Variants in PPFIA2 observed in about 807,000 individuals in gnomAD.
The protein encoded by PPFIA2 is liprin-alpha-2.
In PPFIA2, 46 loss-of-function variants were observed where a neutral mutation model predicts 175.5. That is an observed-to-expected ratio of 0.26 (90% confidence interval 0.21 to 0.34). The LOEUF (loss-of-function observed/expected upper bound fraction) is 0.34, where lower values mean the gene tolerates loss of function less well. Among genes scored for constraint, PPFIA2 ranks in the 10% least tolerant of loss-of-function variants. The pLI is 1.00. For synonymous variants in PPFIA2, 568 were observed against 511.4 expected, an observed-to-expected ratio of 1.11 and a Z score of -1.49; for missense variants, 1,179 against 1,506.1, an observed-to-expected ratio of 0.78 and a Z score of 3.60.
At chr12:81,434,132 A>G (rs971448384) in intron 7 of PPFIA2, among the ~76,000 whole-genome samples, 1 of 152,110 alleles carries the variant, frequency 6.6e-6, no homozygotes, top group Non-Finnish European at 1.5e-5. Context: ...TGACTCAGGC[A>G]GAGCAGTAGG....
At chr12:81,316,765 G>A (rs983834935) in intron 22 of PPFIA2, among the ~76,000 whole-genome samples, 3 of 151,538 alleles carry the variant, frequency 2.0e-5, no homozygotes, top group Non-Finnish European at 4.4e-5. Context: ...CCTTTCCAGA[G>A]TATAAAGAGA....
intron 22 of PPFIA2, chr12:81,312,034 A>T: frequency 2.4e-6 from 2 of 837,974 alleles, no homozygotes; most frequent in East Asian, 2.7e-5. Flanking sequence ...ATGCTTCATG[A>T]TTTTCATTTC....
At chr12:81,445,182 G>A (rs532946194) in intron 6 of PPFIA2, among the ~76,000 whole-genome samples, 1 of 113,344 alleles carries the variant, frequency 8.8e-6, no homozygotes, top group Non-Finnish European at 1.6e-5. Flanking sequence ...CTCTTATTTT[G>A]GAATCTATAA....
rs550155946 is a variant in PPFIA2 at position 81,325,862 on chromosome 12, T to C, written c.2557A>G (p.Met853Val). The change falls in exon 22 of 33, where the codon ATG becomes GTG. Residue 853 changes from methionine (M) to valine (V), a missense_variant. By Grantham distance (21) the Met-to-Val change is conservative (BLOSUM62 1). Around this residue, in one of 10 missense-constraint regions of PPFIA2, gnomAD observed 223 missense variants for 241.6 expected, o/e 0.92. Coordinates refer to ENST00000549396, the MANE Select transcript of PPFIA2 (RefSeq NM_003625.5). The part of the protein sequence containing the change: ...KARLGQLRGF[M>V]ETEAAAQESL... Reference sequence around the variant, plus strand: ...TCCTGAGCTGCAGCTTCAGTCTCCATAAAGCCTCCTGTGAAGAGAAGTAAC... The same window carrying C: ...TCCTGAGCTGCAGCTTCAGTCTCCACAAAGCCTCCTGTGAAGAGAAGTAAC... 2.5e-6 allele frequency: 4 copies of C among 1,610,778 alleles called. No homozygotes were observed. The South Asian group carries it at 3.3e-5, about 13-fold the overall frequency.
chr12:81,273,424 A>T (rs2039672182), intron 28 of PPFIA2, among the ~76,000 whole-genome samples: 1 of 151,880 alleles, frequency 6.6e-6, no homozygotes, highest in Non-Finnish European at 1.5e-5. Context: ...CAAGATCATA[A>T]CCTCTCAAGT....
rs1052298461 is a variant in PPFIA2, at chr12:81,362,576, T to A, written c.1637+117A>T. On this transcript the variant is annotated intron_variant, in intron 15 of 32. Coordinates refer to ENST00000549396, the MANE Select transcript of PPFIA2 (RefSeq NM_003625.5). ...AAATCAGTGAAGAGTCAAAACATGA[T>A]AATGACTAGTGAGCAATAGGAAGTA... 6 of 571,572 alleles carry A rather than the reference T, an allele frequency of 1.0e-5. No individual in the cohort carries two copies. In the Admixed American group the frequency reaches 1.7e-4, roughly 16 times the overall value. 35.4% of individuals were successfully genotyped at this position (571,572 alleles called of 1,614,324 possible).
chr12:81,482,856 T>C (rs1401320781), intron 4 of PPFIA2, among the ~76,000 whole-genome samples: 1 of 151,816 alleles, frequency 6.6e-6, no homozygotes, highest in Non-Finnish European at 1.5e-5. Flanking sequence ...AACCTGCAGG[T>C]TCTGCACATG....
intron 11 of PPFIA2, among the ~76,000 whole-genome samples, chr12:81,373,996 C>CAG (rs1262573478): frequency 6.6e-6 from 1 of 151,928 alleles, no homozygotes; most frequent in Non-Finnish European, 1.5e-5. Context: ...GTTTGATTGT[C>CAG]AGAGGTCAGA....
At chr12:81,424,304 G>A (rs980288876) in intron 7 of PPFIA2, among the ~76,000 whole-genome samples, 1 of 151,912 alleles carries the variant, frequency 6.6e-6, no homozygotes, top group African/African-American at 2.4e-5. Flanking sequence ...ATGTATTTAG[G>A]ACATTTTGTA....
At chr12:81,434,072 A>T (rs1181410929) in intron 7 of PPFIA2, among the ~76,000 whole-genome samples, 2 of 152,042 alleles carry the variant, frequency 1.3e-5, no homozygotes, top group Non-Finnish European at 2.9e-5. Flanking sequence ...GTTAGGAAAA[A>T]TGTTGCCTTC....
chr12:81,259,595 G>T lies in PPFIA2; in HGVS notation c.*99C>A. ...TTCCTTAGAATTCAGTTTTCACAAA[G>T]GTTTTCACTGCTCGTCTTCTTAGAT... On this transcript the variant is annotated 3_prime_UTR_variant, in exon 33 of 33. Transcript: ENST00000549396. 2.0e-6 allele frequency: 3 copies of T among 1,520,840 alleles called. No homozygotes were observed. The highest frequency in any genetic ancestry group is 2.6e-6 in the Non-Finnish European group (3 of 1,133,712). 94.2% of individuals were successfully genotyped at this position (1,520,840 alleles called of 1,614,324 possible).
chr12:81,518,555 C>T (rs910718342), intron 4 of PPFIA2, among the ~76,000 whole-genome samples: 6 of 152,178 alleles, frequency 3.9e-5, no homozygotes, highest in African/African-American at 1.4e-4. Flanking sequence ...CTGACACCTT[C>T]ACCTTTCTAA....
chr12:81,429,347 C>T (rs567345715), intron 7 of PPFIA2, among the ~76,000 whole-genome samples: 1 of 152,064 alleles, frequency 6.6e-6, no homozygotes, highest in Non-Finnish European at 1.5e-5. Context: ...AGAGATTTTG[C>T]AGTGGTCTCT....
intron 4 of PPFIA2, among the ~76,000 whole-genome samples, chr12:81,658,249 C>G (rs367967524): frequency 1.5e-3 from 115 of 76,552 alleles, no homozygotes; most frequent in African/African-American, 6.6e-3. Flanking sequence ...GCCTGGGCAA[C>G]AAGAGCAAAA....
chr12:81,291,138 CAT>C (rs1027404774), intron 24 of PPFIA2, among the ~76,000 whole-genome samples: 2 of 151,790 alleles, frequency 1.3e-5, no homozygotes, highest in Non-Finnish European at 3.0e-5. Flanking sequence ...AAAAAATTAA[CAT>C]TGATTATCTC....
chr12:81,328,335 A>C (rs1337178252), intron 21 of PPFIA2, among the ~76,000 whole-genome samples: 1 of 152,212 alleles, frequency 6.6e-6, no homozygotes, highest in African/African-American at 2.4e-5. Flanking sequence ...TTCACTCCCT[A>C]CATGTGACTA....
intron 4 of PPFIA2, among the ~76,000 whole-genome samples, chr12:81,510,480 A>G (rs1490105854): frequency 6.6e-6 from 1 of 152,204 alleles, no homozygotes; most frequent in African/African-American, 2.4e-5. Context: ...TCTAGAATGT[A>G]TTAATTACTT....
At chr12:81,647,630 G>A (rs144003625) in intron 4 of PPFIA2, among the ~76,000 whole-genome samples, 6,778 of 150,816 alleles carry the variant, frequency 0.045, 307 homozygotes, top group East Asian at 0.25. Context: ...GCGTGGTGGC[G>A]GGTGCTTGTA....
rs550150710 is a variant in PPFIA2 at position 81,457,798 on chromosome 12, G to C, written c.372C>G (p.Ile124Met). Residue 124 changes from isoleucine (I) to methionine (M), a missense_variant, in exon 5 of 33, where the codon ATC becomes ATG. By Grantham distance (10) the Ile-to-Met change is conservative (BLOSUM62 1). This residue lies in a region of PPFIA2 where 49 missense variants were observed against 108.9 expected (regional missense o/e 0.45). Transcript: ENST00000549396. ...REQLLEKEEE[I>M]SELKAERNNT... ...TGTTTCTTTCAGCTTTAAGTTCAGA[G>C]ATTTCTTCTTCCTTTTCTAGAAGTT... The C allele has an allele frequency of 6.2e-7, 1 of 1,610,306 alleles. No homozygotes were observed. The highest frequency in any genetic ancestry group is 8.5e-7 in the Non-Finnish European group (1 of 1,178,106).
Sources: gnomAD v4.1 joint callset for allele counts (sites outside exome capture counted in the v4.1 genomes callset) on GRCh38, gnomAD v4.1.1 for gene constraint, gnomAD v4.1.1 regional missense constraint, MANE v1.5 for transcripts, NCBI Gene and HGNC (gene_info 2026-07-23, HGNC 2026-07-21) for gene names.